GTF3C6: variants seen among roughly 807,000 people sequenced by gnomAD.
GTF3C6 encodes general transcription factor IIIC subunit 6, also known as general transcription factor 3C polypeptide 6.
Under a neutral mutation model 19.2 loss-of-function variants are expected in GTF3C6, and 11 were observed. The observed-to-expected ratio is 0.57, with a 90% CI of 0.36 to 0.95. The LOEUF (loss-of-function observed/expected upper bound fraction) is 0.95, where lower values mean the gene tolerates loss of function less well. Ranked by LOEUF, GTF3C6 falls within the 40% of genes least tolerant of loss-of-function variation. GTF3C6 has a pLI of 0.01. For synonymous variants in GTF3C6, 87 were observed against 84.2 expected, an observed-to-expected ratio of 1.03 and a Z score of -0.18; for missense variants, 222 against 254.7, an observed-to-expected ratio of 0.87 and a Z score of 0.87.
Position 110,967,620 on chromosome 6 carries a change from GA to G in GTF3C6, c.473del (p.Asp158ValfsTer13). The G allele has an allele frequency of 6.2e-7, 1 of 1,614,160 alleles. No individual in the cohort carries two copies. The highest frequency in any genetic ancestry group is 2.2e-5 in the East Asian group (1 of 44,870). ...CGAAGAAGTGGTAGCTTCAGCCCCA[GA>G]TAAATCTTTGGAATTGGAAGAGGAA... is the stretch of plus-strand genomic sequence containing the variant. ...EDEEVVASAP[D>X]KSLELEEEEI... On this transcript the variant is annotated frameshift_variant, in exon 6 of 6. Coordinates refer to ENST00000329970, the MANE Select transcript of GTF3C6 (RefSeq NM_138408.4). LOFTEE classifies it low-confidence loss of function (END_TRUNC).
intron 5 of GTF3C6, 69 bp downstream of exon 5, chr6:110,962,574 G>A (rs1771174746): frequency 2.4e-6 from 2 of 836,410 alleles, no homozygotes; most frequent in Non-Finnish European, 4.0e-6. Flanking sequence ...TTGATGCCAG[G>A]ATAGTCCTTG....
chr6:110,967,817 C>T lies in GTF3C6; in HGVS notation c.*27C>T, dbSNP rs1239769433. On this transcript the variant is annotated 3_prime_UTR_variant, in exon 6 of 6. Coordinates refer to ENST00000329970, the MANE Select transcript of GTF3C6 (RefSeq NM_138408.4). ...AATCACTCCTAGATGAAATGTTTCT[C>T]ATAATAACTTGTCAAGAACTTTTTA... 1.4e-5 allele frequency: 21 copies of T among 1,554,194 alleles called. 1 individual carries two copies. Among genetic ancestry groups the T allele is most frequent in the Non-Finnish European group, 1.7e-5 (20 of 1,151,548 alleles).
intron 4 of GTF3C6, among the ~76,000 whole-genome samples, chr6:110,961,963 C>T (rs9372275): frequency 0.16 from 24,487 of 151,564 alleles, 2,030 homozygotes; most frequent in South Asian, 0.28. Context: ...AGTGCAGTGG[C>T]ACAATCTCTG....
chr6:110,959,036 A>C, intron 1 of GTF3C6, 136 bp from the exon 2 acceptor site: 1 of 836,054 alleles, frequency 1.2e-6, no homozygotes, highest in Non-Finnish European at 2.0e-6. Context: ...CCGGGAAGTT[A>C]CCTTAGGTAG....
At chr6:110,966,964 G>A (rs1771237676) in intron 5 of GTF3C6, among the ~76,000 whole-genome samples, 1 of 152,052 alleles carries the variant, frequency 6.6e-6, no homozygotes, top group Non-Finnish European at 1.5e-5. Context: ...GACCAGCCTG[G>A]CCAACATAGT....
At chr6:110,960,706 T>C in intron 4 of GTF3C6, 90 bp downstream of exon 4, 1 of 1,003,898 alleles carries the variant, frequency 1.0e-6, no homozygotes, top group Non-Finnish European at 1.6e-6. Flanking sequence ...ACTGTCTAGC[T>C]GTATCATATC....
At chr6:110,961,985 C>T (rs1771167116) in intron 4 of GTF3C6, among the ~76,000 whole-genome samples, 1 of 152,008 alleles carries the variant, frequency 6.6e-6, no homozygotes, top group Non-Finnish European at 1.5e-5. Flanking sequence ...TCACTGCAAC[C>T]TCCGCCTCCT....
chr6:110,966,293 G>A (rs1771228605), intron 5 of GTF3C6, among the ~76,000 whole-genome samples: 1 of 152,050 alleles, frequency 6.6e-6, no homozygotes, highest in Non-Finnish European at 1.5e-5. Context: ...GGCCAATATG[G>A]TGAGACCCCC....
Position 110,967,860 on chromosome 6 carries a change from T to C in GTF3C6, c.*70T>C. Reference sequence around the variant, plus strand: ...ACTTTTTAGAGTTGTTACATAAAAATAATTGCTGTGTAGCTTTCAGTCTTT... The same window carrying C: ...ACTTTTTAGAGTTGTTACATAAAAACAATTGCTGTGTAGCTTTCAGTCTTT... On this transcript the variant is annotated 3_prime_UTR_variant, in exon 6 of 6. Coordinates refer to ENST00000329970, the MANE Select transcript of GTF3C6 (RefSeq NM_138408.4). The C allele has an allele frequency of 1.5e-6, 2 of 1,318,752 alleles. No individual in the cohort carries two copies. Among genetic ancestry groups the C allele is most frequent in the Non-Finnish European group, 2.1e-6 (2 of 952,082 alleles). The allele number at this position is 1,318,752 out of a possible 1,614,324, so 81.7% of individuals were successfully genotyped here.
At position 110,964,990 on chromosome 6, in the gene GTF3C6, G is replaced by A. The variant is rs180805116; in HGVS notation, c.361+2485G>A. ...TGGGATTACAGGCACGCACCAGCAC[G>A]CCCAGCTAATTTTGTATTTTTAGTA... On this transcript the variant is annotated intron_variant, in intron 5 of 5. Transcript: ENST00000329970. 7.9e-5 allele frequency among the ~76,000 whole-genome samples: 12 copies of A among 151,452 alleles called. No homozygotes were observed. The East Asian group carries it at 1.4e-3, about 17-fold the overall frequency.
intron 4 of GTF3C6, 110 bp downstream of exon 4, chr6:110,960,726 T>C (rs1204176757): frequency 2.0e-5 from 18 of 919,830 alleles, no homozygotes; most frequent in Non-Finnish European, 3.1e-5. Flanking sequence ...CCTATCATTT[T>C]CCCAAACGTG....
chr6:110,961,075 A>G (rs1262148252), intron 4 of GTF3C6, among the ~76,000 whole-genome samples: 2 of 152,018 alleles, frequency 1.3e-5, no homozygotes, highest in Non-Finnish European at 2.9e-5. Flanking sequence ...AACCCATTCC[A>G]GATACATTTG....
rs373074759 is a variant in GTF3C6 at position 110,959,287 on chromosome 6, G to A, written c.138+35G>A. ...CTAGACTTGGGGGGATTGTTCTAGA[G>A]TGTCTTAAATGTAAAACAAGAATCA... On this transcript the variant is annotated intron_variant, in intron 2 of 5. Transcript: ENST00000329970. 1.3e-4 allele frequency: 160 copies of A among 1,266,894 alleles called. 2 individuals are homozygous for A. The highest frequency in any genetic ancestry group is 1.6e-4 in the Non-Finnish European group (136 of 869,618). The allele number at this position is 1,266,894 out of a possible 1,614,324, so 78.5% of individuals were successfully genotyped here. A position where few individuals can be genotyped will look rare whatever the true frequency, so the allele number is the denominator to read the frequency against.
chr6:110,959,786 C>T (rs928828908), intron 2 of GTF3C6, among the ~76,000 whole-genome samples: 3 of 151,978 alleles, frequency 2.0e-5, no homozygotes, highest in East Asian at 1.9e-4. Context: ...GGTGTAACCC[C>T]GTCTCTACTG....
chr6:110,959,329 C>G, intron 2 of GTF3C6, 77 bp downstream of exon 2: 1 of 847,720 alleles, frequency 1.2e-6, no homozygotes, highest in Non-Finnish European at 2.0e-6. Context: ...AAATACCTAT[C>G]CGCAAGTATT....
intron 5 of GTF3C6, among the ~76,000 whole-genome samples, chr6:110,963,019 C>T (rs1032599183): frequency 2.0e-5 from 3 of 152,096 alleles, no homozygotes; most frequent in African/African-American, 4.8e-5. Flanking sequence ...CGTCATGATC[C>T]GCCCGCCTTG....
chr6:110,963,656 T>A (rs1036255106), intron 5 of GTF3C6, among the ~76,000 whole-genome samples: 1 of 151,448 alleles, frequency 6.6e-6, no homozygotes, highest in Admixed American at 6.6e-5. Context: ...TGGAAACTTC[T>A]GGCAGCTGCA....
chr6:110,961,356 G>A (rs1771158136), intron 4 of GTF3C6, among the ~76,000 whole-genome samples: 1 of 151,982 alleles, frequency 6.6e-6, no homozygotes, highest in Non-Finnish European at 1.5e-5. Flanking sequence ...TCGCCATGTT[G>A]GCCAGGCTGA....
chr6:110,963,654 T>C (rs1771192545), intron 5 of GTF3C6, among the ~76,000 whole-genome samples: 1 of 151,798 alleles, frequency 6.6e-6, no homozygotes, highest in Admixed American at 6.6e-5. Context: ...CCTGGAAACT[T>C]CTGGCAGCTG....
Sources: gnomAD v4.1 joint callset for allele counts (sites outside exome capture counted in the v4.1 genomes callset) on GRCh38, gnomAD v4.1.1 for gene constraint, MANE v1.5 for transcripts, NCBI Gene and HGNC (gene_info 2026-07-23, HGNC 2026-07-21) for gene names.